The following L3HYPDH variants were observed in gnomAD, a reference collection of about 807,000 sequenced individuals.
L3HYPDH encodes the protein trans-L-3-hydroxyproline dehydratase, also known as trans-3-hydroxy-L-proline dehydratase.
L3HYPDH carries 32 observed loss-of-function variants against 26.5 expected under a neutral mutation model. That is an observed-to-expected ratio of 1.21 (90% CI 0.91 to 1.62). The LOEUF is 1.62. L3HYPDH is among the 40% of genes most tolerant of loss of function. The pLI, the probability that L3HYPDH is intolerant of heterozygous loss-of-function variation, is 0.00. For missense variants in L3HYPDH, 554 were observed against 476.4 expected (o/e 1.16, Z -1.52); for synonymous variants, 215 against 196.6 (o/e 1.09, Z -0.78).
intron 4 of L3HYPDH, 131 bp downstream of exon 4, chr14:59,475,738 A>C: frequency 2.0e-6 from 2 of 989,210 alleles, no homozygotes; most frequent in Non-Finnish European, 2.9e-6. Context: ...AGTTGAAAAG[A>C]AGTTTTTACA....
chr14:59,470,882 T>C (rs1255768873), downstream of L3HYPDH, among the ~76,000 whole-genome samples: 1 of 149,398 alleles, frequency 6.7e-6, no homozygotes, highest in Non-Finnish European at 1.5e-5. Flanking sequence ...GACAGGGATG[T>C]TTGTTTCATT....
chr14:59,484,775 A>C, upstream of L3HYPDH: 1 of 939,424 alleles, frequency 1.1e-6, no homozygotes, highest in Non-Finnish European at 1.6e-6. Flanking sequence ...GTCTGTCCGC[A>C]ACGGGCTACT....
the L3HYPDH span, among the ~76,000 whole-genome samples, chr14:59,502,453 C>T: frequency 3.5e-4 from 53 of 152,276 alleles, 1 homozygote; most frequent in Middle Eastern, 3.4e-3. Flanking sequence ...GGAGTGGTTA[C>T]TGCTGATGCC....
chr14:59,500,111 AT>A, the L3HYPDH span, among the ~76,000 whole-genome samples: 1 of 152,146 alleles, frequency 6.6e-6, no homozygotes, highest in Non-Finnish European at 1.5e-5. Flanking sequence ...CATTAGCAAC[AT>A]TGTTTAGCTA....
chr14:59,483,809 C>A lies in L3HYPDH; in HGVS notation c.508G>T (p.Asp170Tyr). 1 of 1,593,138 alleles carries A rather than the reference C, an allele frequency of 6.3e-7. No homozygotes were observed. ...GGGCTGGAAAGGTCCCGCCCATTAC[C>A]TGTGGCCAGCACGAAGGCCGGGACG... is the stretch of plus-strand genomic sequence containing the variant. ...HSVPAFVLAT[D>Y]LMVDVPGHGK... The change falls in exon 1 of 5, where the codon GAT becomes TAT. Residue 170 changes from aspartate to tyrosine, a missense_variant and splice_region_variant. Transcript: ENST00000247194.
At chr14:59,469,253 C>G (rs76579763), downstream of L3HYPDH, among the ~76,000 whole-genome samples, 7,059 of 152,122 alleles carry the variant, frequency 0.046, 185 homozygotes, top group Non-Finnish European at 0.058. Flanking sequence ...AAGGAGAATG[C>G]TGTTGATAAA....
upstream of L3HYPDH, chr14:59,487,489 C>T: frequency 2.1e-6 from 1 of 487,144 alleles, no homozygotes; most frequent in South Asian, 3.8e-5. Context: ...GAGCATTGTA[C>T]AAATATAGCA....
upstream of L3HYPDH, chr14:59,487,970 T>C (rs1890707771): frequency 1.2e-6 from 1 of 825,064 alleles, no homozygotes; most frequent in East Asian, 2.5e-5. Context: ...TTCTTAACTG[T>C]GACAAGAAAA....
the L3HYPDH span, among the ~76,000 whole-genome samples, chr14:59,491,004 A>G: frequency 6.6e-6 from 1 of 152,232 alleles, no homozygotes; most frequent in African/African-American, 2.4e-5. Flanking sequence ...TGGGTTTAAA[A>G]AGAGGGAGTT....
the L3HYPDH span, among the ~76,000 whole-genome samples, chr14:59,498,215 G>C: frequency 6.6e-6 from 1 of 152,162 alleles, no homozygotes; most frequent in Admixed American, 6.5e-5. Flanking sequence ...GCTATACTAT[G>C]ACATGCTATC....
the L3HYPDH span, among the ~76,000 whole-genome samples, chr14:59,490,669 C>A: frequency 2.0e-5 from 3 of 152,094 alleles, no homozygotes; most frequent in African/African-American, 7.2e-5. Context: ...ATTGGGAAAG[C>A]ATTTATAATT....
the L3HYPDH span, chr14:59,500,784 G>A: frequency 1.3e-5 from 2 of 154,032 alleles, no homozygotes; most frequent in African/African-American, 4.8e-5. Flanking sequence ...AATAAGGCAA[G>A]GTTCTTCAAA....
At chr14:59,498,025 T>C in the L3HYPDH span, among the ~76,000 whole-genome samples, 1 of 152,196 alleles carries the variant, frequency 6.6e-6, no homozygotes, top group African/African-American at 2.4e-5. Context: ...CACATAGCTC[T>C]TTCTACAGCT....
At chr14:59,471,157 G>A (rs1455636175), downstream of L3HYPDH, among the ~76,000 whole-genome samples, 2 of 152,156 alleles carry the variant, frequency 1.3e-5, no homozygotes, top group African/African-American at 2.4e-5. Context: ...GGGAACCAGG[G>A]TGAAGTACAG....
intron 2 of L3HYPDH, among the ~76,000 whole-genome samples, chr14:59,478,379 CA>C (rs1456775523): frequency 6.6e-6 from 1 of 152,078 alleles, no homozygotes; most frequent in Non-Finnish European, 1.5e-5. Flanking sequence ...TCCTGGGCAA[CA>C]TAGTGACATC....
At chr14:59,484,966 C>G, upstream of L3HYPDH, 13 of 1,542,330 alleles carry the variant, frequency 8.4e-6, no homozygotes, top group Non-Finnish European at 1.1e-5. Flanking sequence ...CATAATTTGT[C>G]TACTGCTTCA....
the L3HYPDH span, among the ~76,000 whole-genome samples, chr14:59,493,911 A>G: frequency 6.6e-6 from 1 of 152,214 alleles, no homozygotes; most frequent in Non-Finnish European, 1.5e-5. Context: ...ATGAAACTTT[A>G]TATGAAAGAA....
chr14:59,503,964 A>G, the L3HYPDH span: 1 of 1,613,760 alleles, frequency 6.2e-7, no homozygotes, highest in Non-Finnish European at 8.5e-7. Flanking sequence ...AACTTGAGCA[A>G]GATTTGCCCC....
At chr14:59,487,597 C>T (rs1008743339), upstream of L3HYPDH, 8 of 1,096,558 alleles carry the variant, frequency 7.3e-6, no homozygotes, top group Admixed American at 5.4e-5. Flanking sequence ...AATGGGATGT[C>T]TTATAGAATG....
Sources: gnomAD v4.1 joint callset for allele counts (sites outside exome capture counted in the v4.1 genomes callset) on GRCh38, gnomAD v4.1.1 for gene constraint, MANE v1.5 for transcripts, NCBI Gene and HGNC (gene_info 2026-07-23, HGNC 2026-07-21) for gene names.